The following CSMD1 variants were observed in gnomAD, a reference collection of about 807,000 sequenced individuals.
The protein encoded by CSMD1 is CUB and sushi domain-containing protein 1.
In CSMD1, 213 loss-of-function variants were observed where a neutral mutation model predicts 417.5. The observed-to-expected ratio is 0.51, with a 90% confidence interval of 0.46 to 0.57. CSMD1 has a LOEUF of 0.57. Among genes scored for constraint, CSMD1 ranks in the 20% least tolerant of loss-of-function variants. The probability of loss-of-function intolerance (pLI) is 0.00; values close to 1 mark genes in which losing one functional copy is unlikely to be tolerated. For synonymous variants in CSMD1, 2,862 were observed against 1,736.8 expected (o/e 1.65, Z -16.11); for missense variants, 6,923 against 4,529.7 (o/e 1.53, Z -15.17).
rs967463073 is a variant in CSMD1, at chr8:3,746,459, A to G, written c.931+7471T>C. On this transcript the variant is annotated intron_variant, in intron 6 of 69. Transcript: ENST00000635120. The stretch of plus-strand genomic sequence containing the variant: ...GGAAGGATTTAAAGTGGTTTTATAT[A>G]TAACAGTAAACGTTTGTCATGCATT... 1.1e-4 allele frequency among the ~76,000 whole-genome samples: 17 copies of G among 152,246 alleles called. 1 individual carries two copies. The highest frequency in any genetic ancestry group is 2.1e-4 in the South Asian group (1 of 4,832).
chr8:4,428,165 G>C (rs1394839079), intron 2 of CSMD1, among the ~76,000 whole-genome samples: 4 of 152,104 alleles, frequency 2.6e-5, no homozygotes, highest in Non-Finnish European at 5.9e-5. Flanking sequence ...TGTGAATCTG[G>C]CTTCACTTAA....
chr8:3,447,286 A>T (rs1815364092), intron 12 of CSMD1, among the ~76,000 whole-genome samples: 2 of 152,216 alleles, frequency 1.3e-5, no homozygotes, highest in Non-Finnish European at 2.9e-5. Flanking sequence ...CAATAGAATT[A>T]AATATTTTAA....
At chr8:3,887,245 T>A (rs181283977) in intron 5 of CSMD1, among the ~76,000 whole-genome samples, 13 of 152,272 alleles carry the variant, frequency 8.5e-5, no homozygotes, top group Admixed American at 2.6e-4. Context: ...AGGACATCAA[T>A]GTTCTTGCAC....
At chr8:4,198,819 A>C (rs34517386) in intron 3 of CSMD1, among the ~76,000 whole-genome samples, 22 of 152,150 alleles carry the variant, frequency 1.4e-4, no homozygotes, top group Admixed American at 1.3e-3. Context: ...CATGGCACAA[A>C]AAGTTAAAGT....
chr8:3,772,533 A>T (rs1181449697), intron 5 of CSMD1, among the ~76,000 whole-genome samples: 1 of 31,558 alleles, frequency 3.2e-5, no homozygotes, highest in African/African-American at 7.4e-5. Context: ...ACACATATAT[A>T]CATATATACA....
chr8:3,747,825 T>C (rs1584939330), intron 6 of CSMD1, among the ~76,000 whole-genome samples: 7 of 152,180 alleles, frequency 4.6e-5, no homozygotes, highest in Admixed American at 4.6e-4. Flanking sequence ...TGTTTTAAAA[T>C]GTGGAATTTC....
chr8:3,704,616 A>C (rs1801062808), intron 7 of CSMD1: 1 of 152,236 alleles, frequency 6.6e-6, no homozygotes, highest in African/African-American at 2.4e-5. Context: ...CTGCCTTGTG[A>C]AAAGCTTTCT....
At chr8:3,156,986 CA>C (rs869173951) in intron 39 of CSMD1, among the ~76,000 whole-genome samples, 1,281 of 64,442 alleles carry the variant, frequency 0.02, 5 homozygotes, top group East Asian at 0.047. Flanking sequence ...GTTGTTTAGA[CA>C]AAAAAAAAAA....
At chr8:4,253,785 G>C (rs1331474063) in intron 3 of CSMD1, among the ~76,000 whole-genome samples, 3 of 149,844 alleles carry the variant, frequency 2.0e-5, no homozygotes, top group Non-Finnish European at 4.4e-5. Context: ...TGAAAATTTT[G>C]CCTGTATTTA....
chr8:4,447,080 G>A (rs1211589293), intron 2 of CSMD1, among the ~76,000 whole-genome samples: 8 of 152,138 alleles, frequency 5.3e-5, no homozygotes, highest in African/African-American at 1.9e-4. Flanking sequence ...CCTCAGTTAT[G>A]ACAGCGTCTC....
chr8:4,953,518 T>C (rs1808886219), intron 1 of CSMD1, among the ~76,000 whole-genome samples: 1 of 152,148 alleles, frequency 6.6e-6, no homozygotes, highest in Admixed American at 6.6e-5. Context: ...GCAAGTTATG[T>C]AACTTGAACT....
At chr8:3,354,222 G>A (rs536578906) in intron 21 of CSMD1, among the ~76,000 whole-genome samples, 6 of 152,102 alleles carry the variant, frequency 3.9e-5, no homozygotes, top group Non-Finnish European at 7.3e-5. Context: ...TACAGCTGAA[G>A]CAACTTGTCC....
At chr8:4,545,740 G>A (rs768976744) in intron 2 of CSMD1, among the ~76,000 whole-genome samples, 4 of 152,060 alleles carry the variant, frequency 2.6e-5, no homozygotes, top group Non-Finnish European at 4.4e-5. Flanking sequence ...CACTTTCACA[G>A]GCATCCATGG....
intron 3 of CSMD1, among the ~76,000 whole-genome samples, chr8:4,235,430 T>C (rs541789144): frequency 6.6e-6 from 1 of 152,154 alleles, no homozygotes; most frequent in African/African-American, 2.4e-5. Context: ...CTAAAGGCTA[T>C]GTAGTATGCC....
At position 4,629,000 on chromosome 8, in the gene CSMD1, G is replaced by A. The variant is rs761043444; in HGVS notation, c.302+8342C>T. Reference sequence around the variant, plus strand: ...ATCTTCTCAGATCCGCAAATAAAATGTCATTGTTTTTAATGGTAATTTGTA... The same window carrying A: ...ATCTTCTCAGATCCGCAAATAAAATATCATTGTTTTTAATGGTAATTTGTA... On this transcript the variant is annotated intron_variant, in intron 2 of 69. Coordinates refer to ENST00000635120, the MANE Select transcript of CSMD1 (RefSeq NM_033225.6). Among the ~76,000 whole-genome samples, 11 of 152,098 alleles carry A rather than the reference G, an allele frequency of 7.2e-5. No homozygotes were observed. The South Asian group carries it at 1.0e-3, about 14-fold the overall frequency.
intron 1 of CSMD1, among the ~76,000 whole-genome samples, chr8:4,741,683 T>C (rs892944901): frequency 6.6e-6 from 1 of 152,178 alleles, no homozygotes; most frequent in African/African-American, 2.4e-5. Context: ...AAATCACATC[T>C]TTTCCATTGT....
chr8:3,008,364 T>G (rs11984719), intron 52 of CSMD1, among the ~76,000 whole-genome samples: 9 of 152,138 alleles, frequency 5.9e-5, no homozygotes, highest in Non-Finnish European at 1.0e-4. Flanking sequence ...ACCCGCACAG[T>G]GTGGCCCACC....
intron 7 of CSMD1, among the ~76,000 whole-genome samples, chr8:3,657,361 T>C (rs1798181292): frequency 6.6e-6 from 1 of 151,874 alleles, no homozygotes; most frequent in South Asian, 2.1e-4. Context: ...AAGTAAAAGA[T>C]CTCTGCAATG....
intron 26 of CSMD1, among the ~76,000 whole-genome samples, chr8:3,262,968 T>C (rs185773396): frequency 6.6e-6 from 1 of 152,208 alleles, no homozygotes; most frequent in Non-Finnish European, 1.5e-5. Flanking sequence ...AGACGTAATA[T>C]TCAAGAAGTA....
Sources: allele counts gnomAD v4.1 joint callset (sites outside exome capture counted in the v4.1 genomes callset), GRCh38; gene constraint gnomAD v4.1.1; transcripts MANE v1.5; gene names NCBI Gene and HGNC (gene_info 2026-07-23, HGNC 2026-07-21).